The following ROCK2 variants were observed in gnomAD, a reference collection of about 807,000 sequenced individuals.
ROCK2 encodes rho-associated protein kinase 2.
A neutral mutation model predicts 195.1 loss-of-function variants in ROCK2; 61 were observed. The observed-to-expected ratio is 0.31, with a 90% confidence interval of 0.25 to 0.39. The LOEUF (loss-of-function observed/expected upper bound fraction) is 0.39, where lower values mean the gene tolerates loss of function less well. Ranked by LOEUF, ROCK2 falls within the 10% of genes least tolerant of loss-of-function variation. The pLI, the probability that ROCK2 is intolerant of heterozygous loss-of-function variation, is 1.00. For missense variants in ROCK2, 1,109 were observed against 1,637.4 expected (o/e 0.68, Z 5.57); for synonymous variants, 504 against 545.5 (o/e 0.92, Z 1.06).
intron 1 of ROCK2, among the ~76,000 whole-genome samples, chr2:11,324,703 C>T (rs1668496498): frequency 6.6e-6 from 1 of 152,164 alleles, no homozygotes; most frequent in Non-Finnish European, 1.5e-5. Flanking sequence ...ATTTTCATGG[C>T]ACTGGAAAAA....
intron 5 of ROCK2, chr2:11,234,380 G>A (rs1212955442): frequency 6.6e-6 from 1 of 152,028 alleles, no homozygotes; most frequent in Non-Finnish European, 1.5e-5. Flanking sequence ...ATACATTCAT[G>A]GAAGTACAAC....
chr2:11,228,524 C>A (rs558084675), intron 5 of ROCK2, among the ~76,000 whole-genome samples: 2 of 152,016 alleles, frequency 1.3e-5, no homozygotes, highest in African/African-American at 2.4e-5. Flanking sequence ...ATGGGAGTAA[C>A]ACTTTGTGTG....
intron 1 of ROCK2, among the ~76,000 whole-genome samples, chr2:11,336,958 T>C (rs1363828659): frequency 6.6e-6 from 1 of 152,078 alleles, no homozygotes; most frequent in Non-Finnish European, 1.5e-5. Flanking sequence ...AAAAGAGATA[T>C]GGGGCCAGGC....
At chr2:11,189,588 G>T (rs144858195) in intron 32 of ROCK2, among the ~76,000 whole-genome samples, 1 of 151,986 alleles carries the variant, frequency 6.6e-6, no homozygotes, top group Non-Finnish European at 1.5e-5. Flanking sequence ...CAGTTCCTTC[G>T]CTTGCTACAT....
intron 1 of ROCK2, among the ~76,000 whole-genome samples, chr2:11,331,523 A>G (rs181498718): frequency 1.0e-3 from 157 of 152,332 alleles, no homozygotes; most frequent in African/African-American, 3.6e-3. Context: ...TTATAAGCTT[A>G]TACCTAACAT....
chr2:11,282,825 G>C (rs1007789654), intron 3 of ROCK2, among the ~76,000 whole-genome samples: 25 of 151,842 alleles, frequency 1.6e-4, no homozygotes, highest in Admixed American at 1.3e-4. Context: ...CCAAAGACTG[G>C]GGGAAAATAT....
rs35768389 is a variant in ROCK2 at position 11,214,974 on chromosome 2, T to A, written c.1802A>T (p.Asp601Val). 853 of 1,613,998 alleles carry A rather than the reference T, an allele frequency of 5.3e-4. 1 individual carries two copies. The highest frequency in any genetic ancestry group is 6.9e-4 in the Non-Finnish European group (818 of 1,180,010). Residue 601 changes from aspartate (D) to valine (V), a missense_variant, in exon 16 of 33, where the codon GAT becomes GTT. By Grantham distance (152) the Asp-to-Val change is radical. Transcript: ENST00000315872. The stretch of plus-strand genomic sequence containing the variant: ...CAGCAGGCAGTTTTTATCTTGTAGA[T>A]CTCTATTGTTAGATTCCAGCTGCTG... ...QIQQLESNNR[D>V]LQDKNCLLET... is the part of the protein sequence containing the mutation.
At chr2:11,331,843 G>A (rs1044976089) in intron 1 of ROCK2, among the ~76,000 whole-genome samples, 25 of 152,000 alleles carry the variant, frequency 1.6e-4, no homozygotes, top group East Asian at 1.9e-4. Context: ...GGAGACTCAC[G>A]TGAACCTGGG....
In ROCK2 at chr2:11,276,838, G is replaced by GTA. The variant is rs1666844030; in HGVS notation, c.324+9699_324+9700dup. Among the ~76,000 whole-genome samples, 3 of 152,060 alleles carry GTA rather than the reference G, an allele frequency of 2.0e-5. No homozygotes were observed. In the South Asian group the frequency reaches 6.2e-4, roughly 31 times the overall value. The stretch of plus-strand genomic sequence containing the variant: ...AAAATGAATAACAGCAATGATAGAC[G>GTA]TAACAGGAGGAAGGAATTAGGATTA... On this transcript the variant is annotated intron_variant, in intron 3 of 32. Coordinates refer to ENST00000315872, the MANE Select transcript of ROCK2 (RefSeq NM_004850.5).
At chr2:11,226,769 G>A (rs1031142112) in intron 6 of ROCK2, among the ~76,000 whole-genome samples, 4 of 151,644 alleles carry the variant, frequency 2.6e-5, no homozygotes, top group African/African-American at 9.7e-5. Flanking sequence ...AAAATCAGCC[G>A]GGTTTAGTGG....
chr2:11,190,740 T>C (rs1215663823), intron 32 of ROCK2, among the ~76,000 whole-genome samples: 9 of 152,122 alleles, frequency 5.9e-5, no homozygotes, highest in African/African-American at 1.9e-4. Flanking sequence ...GAGAAAAGAA[T>C]ACACAGAGAA....
In ROCK2 at chr2:11,215,579, G is replaced by A. The variant is rs1184726494; in HGVS notation, c.1528C>T (p.His510Tyr). ...QLEREKALLQ[H>Y]KNAEYQRKAD... Reference sequence around the variant, plus strand: ...TTCCTCTGATATTCTGCATTTTTGTGCTGAAGAAGCGCCTTTTCTCTTTCT... The same window carrying A: ...TTCCTCTGATATTCTGCATTTTTGTACTGAAGAAGCGCCTTTTCTCTTTCT... The change falls in exon 14 of 33, where the codon CAC (histidine) becomes TAC (tyrosine). Residue 510 changes from histidine to tyrosine, a missense_variant. Around this residue, in one of 6 missense-constraint regions of ROCK2, gnomAD observed 542 missense variants for 672.0 expected, o/e 0.81. Coordinates refer to ENST00000315872, the MANE Select transcript of ROCK2 (RefSeq NM_004850.5). The A allele has an allele frequency of 1.2e-6, 2 of 1,613,440 alleles. No individual in the cohort carries two copies. The highest frequency in any genetic ancestry group is 4.5e-5 in the East Asian group (2 of 44,796).
chr2:11,242,352 A>G (rs1263324036), intron 4 of ROCK2, among the ~76,000 whole-genome samples: 1 of 152,142 alleles, frequency 6.6e-6, no homozygotes, highest in Non-Finnish European at 1.5e-5. Flanking sequence ...TATTCATCAA[A>G]ACATACTATA....
intron 1 of ROCK2, among the ~76,000 whole-genome samples, chr2:11,311,859 G>A (rs749326157): frequency 3.5e-4 from 54 of 152,174 alleles, no homozygotes; most frequent in Admixed American, 5.9e-4. Flanking sequence ...ATATCAAGAC[G>A]GGGGATTTCA....
intron 1 of ROCK2, among the ~76,000 whole-genome samples, chr2:11,290,265 A>C (rs1667319305): frequency 6.6e-6 from 1 of 152,130 alleles, no homozygotes; most frequent in South Asian, 2.1e-4. Context: ...AACTTTCATA[A>C]GTTTTAAGTG....
chr2:11,218,612 A>G (rs1292048845), intron 10 of ROCK2, 146 bp from the exon 11 acceptor site: 1 of 573,200 alleles, frequency 1.7e-6, no homozygotes. Flanking sequence ...TAGCATCATC[A>G]TTTATGTGTA....
chr2:11,317,591 TATATATATATA>T (rs1668244950), intron 1 of ROCK2, among the ~76,000 whole-genome samples: 2 of 13,940 alleles, frequency 1.4e-4, no homozygotes, highest in Non-Finnish European at 2.9e-4. Flanking sequence ...TATATATATA[TATATATATATA>T]TATATATATA....
At chr2:11,256,938 C>A (rs1238185782) in intron 3 of ROCK2, among the ~76,000 whole-genome samples, 1 of 151,262 alleles carries the variant, frequency 6.6e-6, no homozygotes, top group Non-Finnish European at 1.5e-5. Context: ...GAATTACGCT[C>A]CAAGGTCACC....
In ROCK2 at chr2:11,276,539, T is replaced by C. The variant is rs1329216682; in HGVS notation, c.324+10000A>G. Among the ~76,000 whole-genome samples the C allele has an allele frequency of 2.0e-5, 3 of 152,106 alleles. No homozygotes were observed. In the East Asian group the frequency reaches 5.8e-4, roughly 29 times the overall value. On this transcript the variant is annotated intron_variant, in intron 3 of 32. Transcript: ENST00000315872. ...GAAGACATAAGTAAATGGAACCCAG[T>C]CCCTTGTTATTAGACTGGAAGACTT...
Sources: gnomAD v4.1 joint callset for allele counts (sites outside exome capture counted in the v4.1 genomes callset) on GRCh38, gnomAD v4.1.1 for gene constraint, gnomAD v4.1.1 regional missense constraint, MANE v1.5 for transcripts, NCBI Gene and HGNC (gene_info 2026-07-23, HGNC 2026-07-21) for gene names.